Variants in LRRC32 observed in about 807,000 individuals in gnomAD.
LRRC32 encodes the protein leucine rich repeat containing 32.
Under a neutral mutation model 15.0 loss-of-function variants are expected in LRRC32, and 5 were observed. The observed-to-expected ratio is 0.33, with a 90% CI of 0.17 to 0.70. LRRC32 has a LOEUF of 0.70. Ranked by LOEUF, LRRC32 falls within the 30% of genes least tolerant of loss-of-function variation. LRRC32 has a pLI of 0.66. For synonymous variants in LRRC32, 391 were observed against 403.9 expected (o/e 0.97, Z 0.38); for missense variants, 803 against 854.2 (o/e 0.94, Z 0.75).
chr11:76,660,841 C>A lies in LRRC32; in HGVS notation c.752G>T (p.Arg251Leu). 1 of 1,614,116 alleles carries A rather than the reference C, an allele frequency of 6.2e-7. No individual in the cohort carries two copies. Among genetic ancestry groups the A allele is most frequent in the Non-Finnish European group, 8.5e-7 (1 of 1,180,030 alleles). The change falls in exon 3 of 3, where the codon CGG becomes CTG. Residue 251 changes from arginine to leucine, a missense_variant. By Grantham distance (102) the Arg-to-Leu change is moderately radical. Transcript: ENST00000260061. ...GGGGAAATGGAGCAGTTTGTTCTCC[C>A]GCAGGTCAAGCCAGGTGAGCTGGAA... ...AEFQLTWLDLRENKLLHFPDL... is the reference protein window; with the variant it reads ...AEFQLTWLDLLENKLLHFPDL...
Position 76,660,167 on chromosome 11 carries a change from T to C in LRRC32, c.1426A>G (p.Asn476Asp). The change falls in exon 3 of 3, where the codon AAT becomes GAT. Residue 476 changes from asparagine to aspartate, a missense_variant. Physicochemically the swap from Asn to Asp is conservative, Grantham distance 23. Coordinates refer to ENST00000260061, the MANE Select transcript of LRRC32 (RefSeq NM_001128922.2). ...CCCGTGGCCACCTCCAGCCCAGGAT[T>C]GGAAGAAAGGTCCAGCTCAGTCAGT... ...TPLTELDLSS[N>D]PGLEVATGAL... 2.5e-6 allele frequency: 4 copies of C among 1,600,400 alleles called. No individual in the cohort carries two copies. Among genetic ancestry groups the C allele is most frequent in the Non-Finnish European group, 3.4e-6 (4 of 1,173,778 alleles).
rs116043188 is a variant in LRRC32, at chr11:76,665,936, G to T, written c.19C>A (p.Leu7Met). The T allele has an allele frequency of 8.9e-5, 144 of 1,614,060 alleles. No individual in the cohort carries two copies. The African/African-American group carries it at 1.8e-3, about 20-fold the overall frequency. The change falls in exon 2 of 3, where the codon CTG (leucine) becomes ATG (methionine). Residue 7 changes from leucine (L) to methionine (M), a missense_variant. By Grantham distance (15) the Leu-to-Met change is conservative. Coordinates refer to ENST00000260061, the MANE Select transcript of LRRC32 (RefSeq NM_001128922.2). ...CCTAGGGTCAGCAGGGCCAGGAGCAGCAGGATCTGGGGTCTCATGGCTCTG... is the reference window on the plus strand; with the variant it reads ...CCTAGGGTCAGCAGGGCCAGGAGCATCAGGATCTGGGGTCTCATGGCTCTG... MRPQIL[L>M]LLALLTLGLA...
rs1353594586 is a variant in LRRC32, at chr11:76,660,654, G to A, written c.939C>T (p.Pro313=). 12 of 1,614,142 alleles carry A rather than the reference G, an allele frequency of 7.4e-6. No homozygotes were observed. The highest frequency in any genetic ancestry group is 1.1e-5 in the South Asian group (1 of 91,072). The change falls in exon 3 of 3, where the codon CCC becomes CCT. Residue 313 remains proline (P), a synonymous_variant. Coordinates refer to ENST00000260061, the MANE Select transcript of LRRC32 (RefSeq NM_001128922.2). ...AATCCAGATTCAAGAGCTGGGAAAG[G>A]GGGCGGCCGCTGGCATTCCCGCTGG... ...SAPSGNASGR[P]LSQLLNLDLS...
chr11:76,661,219 C>T lies in LRRC32; in HGVS notation c.374G>A (p.Arg125His), dbSNP rs140733002. 1.1e-3 allele frequency: 1,699 copies of T among 1,613,852 alleles called. 20 individuals are homozygous for T. The African/African-American group carries it at 0.016, about 15-fold the overall frequency. The change falls in exon 3 of 3, where the codon CGC becomes CAC. Residue 125 changes from arginine to histidine, a missense_variant. Physicochemically the swap from Arg to His is conservative, Grantham distance 29. Coordinates refer to ENST00000260061, the MANE Select transcript of LRRC32 (RefSeq NM_001128922.2). ...CCCAGACAGGTCCAGGGAGGTCACG[C>T]GTGGCAGGGGGCCCAGGCCACCAGC... ...LSAGGLGPLP[R>H]VTSLDLSGNS...
intron 2 of LRRC32, 164 bp downstream of exon 2, chr11:76,665,707 A>T: frequency 4.2e-6 from 2 of 474,960 alleles, no homozygotes; most frequent in Non-Finnish European, 5.5e-6. Flanking sequence ...GACTGTGGGT[A>T]AATAAGGTGT....
intron 2 of LRRC32, among the ~76,000 whole-genome samples, chr11:76,665,505 C>A (rs927651757): frequency 3.3e-5 from 5 of 152,168 alleles, no homozygotes; most frequent in East Asian, 1.9e-4. Flanking sequence ...CTGGCCTACC[C>A]CAAATTCCCC....
intron 1 of LRRC32, among the ~76,000 whole-genome samples, chr11:76,669,030 C>T (rs1238224659): frequency 6.6e-6 from 1 of 152,230 alleles, no homozygotes; most frequent in African/African-American, 2.4e-5. Flanking sequence ...AAGCCCACCA[C>T]TCACCAGCTC....
intron 1 of LRRC32, among the ~76,000 whole-genome samples, chr11:76,668,862 G>A (rs17812076): frequency 2.6e-5 from 4 of 152,024 alleles, no homozygotes; most frequent in African/African-American, 7.2e-5. Context: ...AGAAGGGATC[G>A]TCCCTGCAGC....
At chr11:76,665,775 C>G (rs1242304241) in intron 2 of LRRC32, 96 bp downstream of exon 2, 30 of 1,567,844 alleles carry the variant, frequency 1.9e-5, no homozygotes, top group Non-Finnish European at 2.5e-5. Context: ...CCTCTCCTGA[C>G]TCTTCTAACT....
intron 1 of LRRC32, among the ~76,000 whole-genome samples, chr11:76,669,118 T>A (rs1952670082): frequency 6.6e-6 from 1 of 152,204 alleles, no homozygotes; most frequent in Non-Finnish European, 1.5e-5. Context: ...GTTCCAGTTC[T>A]GCCACTGGCC....
chr11:76,670,360 A>C (rs1486853349), intron 1 of LRRC32, among the ~76,000 whole-genome samples: 1 of 152,150 alleles, frequency 6.6e-6, no homozygotes, highest in Non-Finnish European at 1.5e-5. Flanking sequence ...TCTTCAGGCC[A>C]TTGTTTTCCC....
At chr11:76,664,828 T>C (rs1321594819) in intron 2 of LRRC32, among the ~76,000 whole-genome samples, 3 of 152,204 alleles carry the variant, frequency 2.0e-5, no homozygotes, top group African/African-American at 7.2e-5. Context: ...TCTGAGGCCT[T>C]CTCTGCCCGC....
rs766502910 is a variant in LRRC32, at chr11:76,659,606, A to G, written c.1987T>C (p.Ter663GlnextTer7). The G allele has an allele frequency of 5.6e-6, 9 of 1,613,182 alleles. No individual in the cohort carries two copies. The Admixed American group carries it at 1.2e-4, about 21-fold the overall frequency. Residue 663 changes from the stop codon to glutamine, a stop_lost, in exon 3 of 3, where the codon TAA becomes CAA. Coordinates refer to ENST00000260061, the MANE Select transcript of LRRC32 (RefSeq NM_001128922.2). The stretch of plus-strand genomic sequence containing the variant: ...ACCTAGAGTGTCTCCCGGCTTCTTT[A>G]GGCTTTATACTGTTGGTTAAACTTC... Reference protein sequence around the residue: ...RQKFNQQYKA* With the variant: ...RQKFNQQYKAQ
rs3824890 is a variant in LRRC32, at chr11:76,658,960, C to T, written c.*644G>A. The stretch of plus-strand genomic sequence containing the variant: ...GGAGCCGCCGTGGCCCACCTAACAA[C>T]ACCAGATCCGAGACACACTCGTACA... On this transcript the variant is annotated 3_prime_UTR_variant, in exon 3 of 3. Coordinates refer to ENST00000260061, the MANE Select transcript of LRRC32 (RefSeq NM_001128922.2). 0.078 allele frequency: 11,981 copies of T among 153,838 alleles called. 585 individuals carry two copies. Among genetic ancestry groups the T allele is most frequent in the South Asian group, 0.14 (662 of 4,844 alleles). 9.5% of individuals were successfully genotyped at this position (153,838 alleles called of 1,614,324 possible).
chr11:76,660,361 C>T lies in LRRC32; in HGVS notation c.1232G>A (p.Ser411Asn), dbSNP rs766649352. ...LPPYTFANLA[S>N]LQRLNLQGNR... The stretch of plus-strand genomic sequence containing the variant: ...CCCCTGCAGGTTGAGCCGCTGCAGG[C>T]TGGCCAGATTGGCAAAGGTGTATGG... Residue 411 changes from serine to asparagine, a missense_variant, in exon 3 of 3, where the codon AGC (serine) becomes AAC (asparagine). Ser to Asn is a conservative substitution (Grantham distance 46). Coordinates refer to ENST00000260061, the MANE Select transcript of LRRC32 (RefSeq NM_001128922.2). 2 of 1,613,184 alleles carry T rather than the reference C, an allele frequency of 1.2e-6. No homozygotes were observed. Among genetic ancestry groups the T allele is most frequent in the South Asian group, 2.2e-5 (2 of 90,906 alleles).
chr11:76,663,343 G>A (rs1352967166), intron 2 of LRRC32: 3 of 152,238 alleles, frequency 2.0e-5, no homozygotes, highest in Admixed American at 2.0e-4. Flanking sequence ...CTTCCCAGAT[G>A]TGAACACTGA....
intron 2 of LRRC32, among the ~76,000 whole-genome samples, chr11:76,665,201 G>A (rs1411515206): frequency 6.6e-6 from 1 of 152,228 alleles, no homozygotes; most frequent in East Asian, 1.9e-4. Flanking sequence ...TTGCCCTAGG[G>A]AAGTTCATGG....
chr11:76,660,382 T>C lies in LRRC32; in HGVS notation c.1211A>G (p.Tyr404Cys), dbSNP rs959149305. Residue 404 changes from tyrosine to cysteine, a missense_variant, in exon 3 of 3, where the codon TAC becomes TGC. Transcript: ENST00000260061. ...CAGGCTGGCCAGATTGGCAAAGGTGTATGGGGGCAGGTCCCGCAGGGCATT... is the reference window on the plus strand; with the variant it reads ...CAGGCTGGCCAGATTGGCAAAGGTGCATGGGGGCAGGTCCCGCAGGGCATT... ...QGNALRDLPPYTFANLASLQR... is the reference protein window; with the variant it reads ...QGNALRDLPPCTFANLASLQR... 1 of 1,613,400 alleles carries C rather than the reference T, an allele frequency of 6.2e-7. No homozygotes were observed. Among genetic ancestry groups the C allele is most frequent in the Non-Finnish European group, 8.5e-7 (1 of 1,179,862 alleles).
In LRRC32 at chr11:76,659,978, C is replaced by G. The variant is rs564090585; in HGVS notation, c.1615G>C (p.Glu539Gln). ...LPAWTQAVSLEVLDLRNNSFS... is the reference protein window; with the variant it reads ...LPAWTQAVSLQVLDLRNNSFS... ...CTGTTGTTTCGCAGGTCCAGCACCT[C>G]CAGTGACACAGCCTGTGTCCAGGCG... is the stretch of plus-strand genomic sequence containing the variant. The change falls in exon 3 of 3, where the codon GAG becomes CAG. Residue 539 changes from glutamate (E) to glutamine (Q), a missense_variant. Transcript: ENST00000260061. The G allele has an allele frequency of 6.2e-7, 1 of 1,614,128 alleles. No individual in the cohort carries two copies. The highest frequency in any genetic ancestry group is 1.3e-5 in the African/African-American group (1 of 75,066).
Sources: allele counts gnomAD v4.1 joint callset (sites outside exome capture counted in the v4.1 genomes callset), GRCh38; gene constraint gnomAD v4.1.1; transcripts MANE v1.5; gene names NCBI Gene and HGNC (gene_info 2026-07-23, HGNC 2026-07-21).